PDZRN4: variants seen among roughly 807,000 people sequenced by gnomAD.
PDZRN4 encodes the protein PDZ domain-containing RING finger protein 4.
Under a neutral mutation model 99.0 loss-of-function variants are expected in PDZRN4, and 70 were observed. That is an observed-to-expected ratio of 0.71 (90% CI 0.58 to 0.86). The LOEUF (loss-of-function observed/expected upper bound fraction) is 0.86. Among genes scored for constraint, PDZRN4 ranks in the 40% least tolerant of loss-of-function variants. PDZRN4 has a pLI of 0.00. For synonymous variants in PDZRN4, 551 were observed against 501.6 expected, an observed-to-expected ratio of 1.10 and a Z score of -1.32; for missense variants, 1,474 against 1,331.2, an observed-to-expected ratio of 1.11 and a Z score of -1.67.
chr12:41,194,173 T>C lies in PDZRN4; in HGVS notation c.828T>C (p.His276=), dbSNP rs772799071. 2.7e-6 allele frequency: 4 copies of C among 1,490,380 alleles called. No individual in the cohort carries two copies. The highest frequency in any genetic ancestry group is 1.1e-5 in the South Asian group (1 of 88,622). 92.3% of individuals were successfully genotyped at this position (1,490,380 alleles called of 1,614,324 possible). A position where few individuals can be genotyped will look rare whatever the true frequency, so the allele number is the denominator to read the frequency against. Residue 276 remains histidine (H), a synonymous_variant, in exon 3 of 10, where the codon CAT becomes CAC. Transcript: ENST00000402685. The part of the protein sequence containing the change: ...PADRADGLEI[H]DKIMEVNGKD... ...ACAGAGCAGATGGCCTGGAGATTCA[T>C]GACAAAATCATGGAGGTAAGACAAT...
At chr12:41,288,382 T>C (rs1256846368) in intron 3 of PDZRN4, among the ~76,000 whole-genome samples, 2 of 152,158 alleles carry the variant, frequency 1.3e-5, no homozygotes, top group Non-Finnish European at 2.9e-5. Context: ...CCGATTCTCC[T>C]GGGTAATGTT....
intron 3 of PDZRN4, among the ~76,000 whole-genome samples, chr12:41,267,644 CATAAT>C (rs1234410665): frequency 7.1e-6 from 1 of 140,152 alleles, no homozygotes; most frequent in Admixed American, 7.3e-5. Context: ...GCCTCGCCAA[CATAAT>C]GAAACCCCAT....
At chr12:41,542,799 A>C (rs2120772565) in intron 5 of PDZRN4, among the ~76,000 whole-genome samples, 1 of 152,338 alleles carries the variant, frequency 6.6e-6, no homozygotes, top group South Asian at 2.1e-4. Context: ...AATTCTAGGA[A>C]GTAAATCATA....
chr12:41,232,827 C>T (rs1370958555), intron 3 of PDZRN4, among the ~76,000 whole-genome samples: 1 of 151,478 alleles, frequency 6.6e-6, no homozygotes, highest in Non-Finnish European at 1.5e-5. Context: ...GTCTTTAATC[C>T]ATCTTGAATT....
chr12:41,277,720 C>G (rs375435923), intron 3 of PDZRN4, among the ~76,000 whole-genome samples: 7 of 152,114 alleles, frequency 4.6e-5, no homozygotes, highest in East Asian at 3.9e-4. Flanking sequence ...GTGAACAGCT[C>G]TTGTTGCAAC....
At chr12:41,405,183 A>G (rs1260270313) in intron 3 of PDZRN4, among the ~76,000 whole-genome samples, 1 of 152,194 alleles carries the variant, frequency 6.6e-6, no homozygotes, top group East Asian at 1.9e-4. Flanking sequence ...AGAATGGAAG[A>G]AAATATTCAC....
chr12:41,337,637 T>A (rs1353296858), intron 3 of PDZRN4, among the ~76,000 whole-genome samples: 1 of 152,138 alleles, frequency 6.6e-6, no homozygotes, highest in African/African-American at 2.4e-5. Context: ...ACAATAATTA[T>A]CACCTGATCT....
chr12:41,546,508 G>A (rs1938955055), intron 5 of PDZRN4, among the ~76,000 whole-genome samples: 1 of 152,142 alleles, frequency 6.6e-6, no homozygotes, highest in Admixed American at 6.5e-5. Flanking sequence ...TGAATGTTGT[G>A]CCTACACATG....
At chr12:41,196,956 G>T (rs112561860) in intron 3 of PDZRN4, among the ~76,000 whole-genome samples, 2,607 of 152,064 alleles carry the variant, frequency 0.017, 50 homozygotes, top group African/African-American at 0.047. Context: ...ACAGTGTAAA[G>T]GGTACAAACT....
At chr12:41,523,908 T>A (rs1938530018) in intron 5 of PDZRN4, among the ~76,000 whole-genome samples, 1 of 152,168 alleles carries the variant, frequency 6.6e-6, no homozygotes, top group Non-Finnish European at 1.5e-5. Context: ...TATGAACATA[T>A]AAAATCTGTG....
intron 3 of PDZRN4, among the ~76,000 whole-genome samples, chr12:41,475,030 A>G (rs550758727): frequency 4.3e-4 from 66 of 152,276 alleles, no homozygotes; most frequent in African/African-American, 1.4e-3. Context: ...CCCGTTGTAC[A>G]TTGGGTGTAC....
In PDZRN4 at chr12:41,462,100, C is replaced by T. The variant is rs369290504; in HGVS notation, c.844-44356C>T. ...TTCTGCCAACCAGTAGTTCAGCTTG[C>T]TTTCTAAACTTGATTTTCAGATCTT... On this transcript the variant is annotated intron_variant, in intron 3 of 9. Transcript: ENST00000402685. Among the ~76,000 whole-genome samples, 7 of 152,290 alleles carry T rather than the reference C, an allele frequency of 4.6e-5. No homozygotes were observed. The Middle Eastern group carries it at 0.01, about 224-fold the overall frequency.
intron 7 of PDZRN4, among the ~76,000 whole-genome samples, chr12:41,560,629 C>T (rs1025184760): frequency 2.6e-5 from 4 of 152,190 alleles, no homozygotes; most frequent in Non-Finnish European, 5.9e-5. Context: ...ATCTGTCTCC[C>T]TCCCTTATTG....
At chr12:41,553,050 G>A (rs989636258) in intron 6 of PDZRN4, among the ~76,000 whole-genome samples, 1 of 152,218 alleles carries the variant, frequency 6.6e-6, no homozygotes, top group African/African-American at 2.4e-5. Flanking sequence ...AGCAAGTCCA[G>A]CAAAGTTTTT....
At position 41,200,787 on chromosome 12, in the gene PDZRN4, C is replaced by A. The variant is rs117108923; in HGVS notation, c.843+6599C>A. On this transcript the variant is annotated intron_variant, in intron 3 of 9. Coordinates refer to ENST00000402685, the MANE Select transcript of PDZRN4 (RefSeq NM_001164595.2). ...CCTTTCAATCATCCTGGGCACCTGG[C>A]AACTCCTTTCTGTCTTTCTTATTCC... is the stretch of plus-strand genomic sequence containing the variant. Among the ~76,000 whole-genome samples the A allele has an allele frequency of 4.0e-4, 61 of 152,224 alleles. 1 individual carries two copies. The East Asian group carries it at 0.011, about 29-fold the overall frequency.
intron 3 of PDZRN4, among the ~76,000 whole-genome samples, chr12:41,380,452 T>C (rs868459522): frequency 1.9e-4 from 29 of 152,202 alleles, no homozygotes; most frequent in African/African-American, 6.0e-4. Flanking sequence ...ACTTGATGAC[T>C]TTTTTGTGGC....
At chr12:41,246,137 T>C (rs552356712) in intron 3 of PDZRN4, among the ~76,000 whole-genome samples, 9 of 152,304 alleles carry the variant, frequency 5.9e-5, no homozygotes, top group Admixed American at 1.3e-4. Flanking sequence ...AAAAATGTCT[T>C]TTTGATAATT....
At chr12:41,276,665 T>TA (rs1234169478) in intron 3 of PDZRN4, among the ~76,000 whole-genome samples, 3 of 152,192 alleles carry the variant, frequency 2.0e-5, no homozygotes, top group African/African-American at 4.8e-5. Context: ...ACACAGCTCT[T>TA]AATGTTAGGG....
At chr12:41,262,257 C>T (rs1355822403) in intron 3 of PDZRN4, among the ~76,000 whole-genome samples, 1 of 152,174 alleles carries the variant, frequency 6.6e-6, no homozygotes, top group Non-Finnish European at 1.5e-5. Context: ...AAGACCATGA[C>T]CACAATCTGT....
Sources: allele counts gnomAD v4.1 joint callset (sites outside exome capture counted in the v4.1 genomes callset), GRCh38; gene constraint gnomAD v4.1.1; transcripts MANE v1.5; gene names NCBI Gene and HGNC (gene_info 2026-07-23, HGNC 2026-07-21).